EYA2: variants seen among roughly 807,000 people sequenced by gnomAD.
EYA2 encodes EYA transcriptional coactivator and phosphatase 2, also known as protein phosphatase EYA2.
A neutral mutation model predicts 69.2 loss-of-function variants in EYA2; 31 were observed. That is an observed-to-expected ratio of 0.45 (90% CI 0.34 to 0.60). The LOEUF is 0.60. EYA2 is among the 20% of genes least tolerant of loss of function. The pLI is 0.02. For synonymous variants in EYA2, 257 were observed against 279.4 expected (o/e 0.92, Z 0.80); for missense variants, 622 against 701.2 (o/e 0.89, Z 1.28).
At chr20:47,177,182 G>A (rs1050520190) in intron 12 of EYA2, among the ~76,000 whole-genome samples, 3 of 151,812 alleles carry the variant, frequency 2.0e-5, no homozygotes, top group Non-Finnish European at 4.4e-5. Flanking sequence ...GCATGATCTC[G>A]GCTCACTGCA....
intron 9 of EYA2, among the ~76,000 whole-genome samples, chr20:47,129,723 G>A (rs1441661845): frequency 6.6e-6 from 1 of 152,164 alleles, no homozygotes; most frequent in Admixed American, 6.5e-5. Context: ...GGGGCTCCTT[G>A]TCTTCCTCCC....
At chr20:47,091,236 C>T (rs1040544403) in intron 8 of EYA2, among the ~76,000 whole-genome samples, 1 of 152,020 alleles carries the variant, frequency 6.6e-6, no homozygotes, top group Non-Finnish European at 1.5e-5. Context: ...AATGAGAATC[C>T]AGGGGTCAAG....
At chr20:46,923,041 G>A (rs917166865) in intron 1 of EYA2, among the ~76,000 whole-genome samples, 16 of 152,140 alleles carry the variant, frequency 1.1e-4, no homozygotes, top group Non-Finnish European at 1.8e-4. Flanking sequence ...CAAAAATGCC[G>A]ATGTTGCAAA....
intron 1 of EYA2, among the ~76,000 whole-genome samples, chr20:46,966,891 C>T (rs549666364): frequency 6.6e-6 from 1 of 152,026 alleles, no homozygotes; most frequent in South Asian, 2.1e-4. Flanking sequence ...ATACATCATC[C>T]ATACTTTTAA....
At chr20:46,926,563 G>A (rs1475789260) in intron 1 of EYA2, among the ~76,000 whole-genome samples, 2 of 152,112 alleles carry the variant, frequency 1.3e-5, no homozygotes, top group African/African-American at 4.8e-5. Flanking sequence ...CCCACTTTGG[G>A]GAGGGCCATG....
chr20:46,931,641 T>G (rs530817606), intron 1 of EYA2, among the ~76,000 whole-genome samples: 1 of 152,286 alleles, frequency 6.6e-6, no homozygotes, highest in South Asian at 2.1e-4. Context: ...AGTTTTTAAA[T>G]CCATTTCACA....
At chr20:46,900,975 G>C (rs1399366913) in intron 1 of EYA2, among the ~76,000 whole-genome samples, 1 of 152,190 alleles carries the variant, frequency 6.6e-6, no homozygotes, top group African/African-American at 2.4e-5. Context: ...ACCAAACAGG[G>C]TGAAAACCAC....
intron 14 of EYA2, among the ~76,000 whole-genome samples, chr20:47,181,721 T>TA (rs11086199): frequency 4.6e-5 from 7 of 151,818 alleles, no homozygotes; most frequent in Non-Finnish European, 1.0e-4. Context: ...GAGCAAAAAA[T>TA]AAAAAAAATA....
At chr20:47,043,097 A>G (rs1041528101) in intron 5 of EYA2, among the ~76,000 whole-genome samples, 1 of 152,222 alleles carries the variant, frequency 6.6e-6, no homozygotes, top group African/African-American at 2.4e-5. Context: ...GACCCCTTCC[A>G]GCTCTATAGA....
chr20:47,141,811 T>C (rs1347652845), intron 9 of EYA2, among the ~76,000 whole-genome samples: 7 of 152,244 alleles, frequency 4.6e-5, no homozygotes, highest in Non-Finnish European at 8.8e-5. Context: ...ACATAACTTT[T>C]GCCCACATAT....
At chr20:47,001,092 T>C (rs1441955406) in intron 2 of EYA2, among the ~76,000 whole-genome samples, 1 of 152,120 alleles carries the variant, frequency 6.6e-6, no homozygotes, top group East Asian at 1.9e-4. Context: ...GTGACTTGGC[T>C]CAAGCACATT....
At position 47,079,920 on chromosome 20, in the gene EYA2, AG is replaced by A. The variant is rs1470206580; in HGVS notation, c.661+5586del. ...AAGGAATTTCTAGAAGGATGCAATA[AG>A]AACTGTTAATAGTCATTTTCTCTGG... On this transcript the variant is annotated intron_variant, in intron 7 of 15. Transcript: ENST00000327619. Among the ~76,000 whole-genome samples the A allele has an allele frequency of 2.6e-5, 4 of 152,358 alleles. No homozygotes were observed. In the East Asian group the frequency reaches 7.7e-4, roughly 29 times the overall value.
At chr20:47,079,618 T>TAGGC (rs1411034796) in intron 7 of EYA2, among the ~76,000 whole-genome samples, 2 of 152,226 alleles carry the variant, frequency 1.3e-5, no homozygotes, top group Non-Finnish European at 1.5e-5. Flanking sequence ...AAAGAATATT[T>TAGGC]ATTGCAGCAG....
chr20:46,993,635 A>G (rs559938986), intron 2 of EYA2, among the ~76,000 whole-genome samples: 1 of 152,374 alleles, frequency 6.6e-6, no homozygotes, highest in South Asian at 2.1e-4. Context: ...CCCTATCCTC[A>G]TGGAGCCCAC....
intron 1 of EYA2, among the ~76,000 whole-genome samples, chr20:46,924,049 A>G (rs985428963): frequency 3.9e-5 from 6 of 152,200 alleles, no homozygotes; most frequent in Admixed American, 1.3e-4. Flanking sequence ...AGAAAGATCT[A>G]TCTTTCATGG....
Position 47,018,509 on chromosome 20 carries a change from G to A in EYA2, c.415+2212G>A, listed in dbSNP as rs113555486. 2.2e-3 allele frequency among the ~76,000 whole-genome samples: 338 copies of A among 152,340 alleles called. 1 individual carries two copies. Among genetic ancestry groups the A allele is most frequent in the Middle Eastern group, 6.8e-3 (2 of 294 alleles). On this transcript the variant is annotated intron_variant, in intron 5 of 15. Coordinates refer to ENST00000327619, the MANE Select transcript of EYA2 (RefSeq NM_005244.5). ...GTGGCATGCTGGACCGTGAGCAGTG[G>A]TATGGACCAGGAGTGGTGATCGGCA... is the stretch of plus-strand genomic sequence containing the variant.
intron 1 of EYA2, among the ~76,000 whole-genome samples, chr20:46,926,256 A>G (rs1159943130): frequency 2.6e-5 from 4 of 152,208 alleles, no homozygotes; most frequent in Non-Finnish European, 5.9e-5. Flanking sequence ...TGATATAGAG[A>G]GGGGGGTTGA....
chr20:47,071,658 C>T (rs2031318272), intron 5 of EYA2, among the ~76,000 whole-genome samples: 1 of 152,126 alleles, frequency 6.6e-6, no homozygotes, highest in South Asian at 2.1e-4. Context: ...TCACTTATTT[C>T]TCACCATAGC....
chr20:46,986,860 C>T (rs1981257857), intron 1 of EYA2, among the ~76,000 whole-genome samples: 1 of 152,180 alleles, frequency 6.6e-6, no homozygotes, highest in Non-Finnish European at 1.5e-5. Context: ...ACCTCTCCCA[C>T]TAGCCCCACA....
Sources: allele counts gnomAD v4.1 joint callset (sites outside exome capture counted in the v4.1 genomes callset), GRCh38; gene constraint gnomAD v4.1.1; transcripts MANE v1.5; gene names NCBI Gene and HGNC (gene_info 2026-07-23, HGNC 2026-07-21).